TTC3: variants seen among roughly 807,000 people sequenced by gnomAD.
TTC3 encodes the protein E3 ubiquitin-protein ligase TTC3.
TTC3 carries 180 observed loss-of-function variants against 249.6 expected under a neutral mutation model. The ratio of observed to expected loss-of-function variants is 0.72; its 90% CI spans 0.64 to 0.82. The LOEUF is 0.82. Among genes scored for constraint, TTC3 ranks in the 40% least tolerant of loss-of-function variants. The pLI, the probability that TTC3 is intolerant of heterozygous loss-of-function variation, is 0.00. For missense variants in TTC3, 2,061 were observed against 2,398.4 expected (o/e 0.86, Z 2.94); for synonymous variants, 717 against 805.0 (o/e 0.89, Z 1.85).
chr21:37,193,687 T>C (rs1359457372), intron 41 of TTC3: 1 of 152,178 alleles, frequency 6.6e-6, no homozygotes, highest in Non-Finnish European at 1.5e-5. Flanking sequence ...TAAAAATTAT[T>C]TGTATCTCAT....
intron 38 of TTC3, 32 bp from the exon 39 acceptor site, chr21:37,188,463 A>C (rs1343733937): frequency 6.5e-7 from 1 of 1,549,976 alleles, no homozygotes; most frequent in South Asian, 1.1e-5. Context: ...GTCATTTGTA[A>C]AATACTCATA....
At chr21:37,178,971 A>T (rs2082506185) in intron 35 of TTC3, among the ~76,000 whole-genome samples, 1 of 151,662 alleles carries the variant, frequency 6.6e-6, no homozygotes, top group Non-Finnish European at 1.5e-5. Flanking sequence ...CTCAAAAGGA[A>T]AAAAAAGAAA....
intron 35 of TTC3, among the ~76,000 whole-genome samples, chr21:37,180,824 A>C (rs2082694497): frequency 6.6e-6 from 1 of 151,858 alleles, no homozygotes; most frequent in African/African-American, 2.4e-5. Flanking sequence ...AGAATGAAAC[A>C]ATAAAACTTT....
At chr21:37,166,281 C>T in exon 33 of TTC3, 1 of 1,614,210 alleles carries the variant, frequency 6.2e-7, no homozygotes, top group South Asian at 1.1e-5. Context: ...GCCAGCCTTT[C>T]TCCTGAATAT....
rs1485313371 is a variant in TTC3, at chr21:37,166,082, C to T, written c.3868C>T (p.Arg1290Ter). Reference sequence around the variant, plus strand: ...AGGCTCTGAGGATGCAAATTACAAGCGAGTCTCCTGTAATTCCCCCAAACC... The same window carrying T: ...AGGCTCTGAGGATGCAAATTACAAGTGAGTCTCCTGTAATTCCCCCAAACC... The change falls in exon 33 of 46, where the codon CGA becomes TGA. Residue 1290 changes from arginine (R) to a stop codon, truncating the protein, a stop_gained. Coordinates refer to ENST00000355666, the Ensembl canonical transcript of TTC3. LOFTEE classifies it high-confidence loss of function. 3.1e-6 allele frequency: 5 copies of T among 1,614,142 alleles called. No individual in the cohort carries two copies. The highest frequency in any genetic ancestry group is 2.2e-5 in the East Asian group (1 of 44,894).
intron 36 of TTC3, among the ~76,000 whole-genome samples, chr21:37,184,021 C>G (rs139157845): frequency 1.3e-5 from 2 of 152,220 alleles, no homozygotes; most frequent in East Asian, 3.9e-4. Context: ...ATGAGTCTTG[C>G]TAGCATTACA....
At position 37,126,072 on chromosome 21, in the gene TTC3, A is replaced by C. The variant is rs199598482; in HGVS notation, c.1234-8A>C. The stretch of plus-strand genomic sequence containing the variant: ...TTTTTTTTTAAGTCTCACTAATTTC[A>C]TTGGCAGGTGGCGGATGAGGCGTTG... On this transcript the variant is annotated splice_region_variant and splice_polypyrimidine_tract_variant and intron_variant, in intron 14 of 45. Coordinates refer to ENST00000355666, the Ensembl canonical transcript of TTC3. The C allele has an allele frequency of 1.9e-6, 3 of 1,592,294 alleles. No homozygotes were observed. Among genetic ancestry groups the C allele is most frequent in the East Asian group, 2.2e-5 (1 of 44,508 alleles).
chr21:37,082,857 T>C, intron 1 of TTC3: 1 of 971,932 alleles, frequency 1.0e-6, no homozygotes, highest in Non-Finnish European at 1.2e-6. Context: ...GATTGTATTA[T>C]AAAAAATTTT....
At chr21:37,192,667 C>G (rs2084321478) in intron 41 of TTC3, among the ~76,000 whole-genome samples, 1 of 152,160 alleles carries the variant, frequency 6.6e-6, no homozygotes, top group Admixed American at 6.5e-5. Context: ...AGACCAAAAT[C>G]TAAAAATTAA....
chr21:37,085,429 G>A (rs1354481270), intron 1 of TTC3, among the ~76,000 whole-genome samples: 1 of 152,176 alleles, frequency 6.6e-6, no homozygotes, highest in Non-Finnish European at 1.5e-5. Context: ...AGTTTCCCTT[G>A]AATGGTCGAA....
chr21:37,164,866 A>G (rs553141030), intron 32 of TTC3, among the ~76,000 whole-genome samples: 7 of 151,962 alleles, frequency 4.6e-5, no homozygotes, highest in African/African-American at 4.8e-5. Context: ...TTAAAAGCCA[A>G]CTCTTCTCCT....
chr21:37,125,980 A>G, intron 14 of TTC3, 100 bp from the exon 15 acceptor site: 6 of 1,142,328 alleles, frequency 5.3e-6, no homozygotes, highest in Non-Finnish European at 7.4e-6. Flanking sequence ...GCTAGGGTGA[A>G]TTCTATCCTA....
chr21:37,126,143 A>G, exon 15 of TTC3: 2 of 1,611,552 alleles, frequency 1.2e-6, no homozygotes, highest in Non-Finnish European at 1.7e-6. Flanking sequence ...ACCACCATCA[A>G]GTGAGTATTG....
chr21:37,159,584 A>G (rs2080479252), intron 28 of TTC3, 115 bp from the exon 29 acceptor site: 4 of 1,170,268 alleles, frequency 3.4e-6, no homozygotes, highest in Admixed American at 5.3e-5. Flanking sequence ...AAGCCAAATA[A>G]GGAATAGAAC....
At chr21:37,137,757 C>A (rs1277277225) in intron 18 of TTC3, among the ~76,000 whole-genome samples, 6 of 152,092 alleles carry the variant, frequency 3.9e-5, no homozygotes, top group Non-Finnish European at 8.8e-5. Flanking sequence ...TACAGAGAAA[C>A]CTTTTCTGAA....
At chr21:37,143,776 A>C (rs1212063834) in intron 20 of TTC3, among the ~76,000 whole-genome samples, 1 of 140,082 alleles carries the variant, frequency 7.1e-6, no homozygotes, top group Non-Finnish European at 1.5e-5. Flanking sequence ...TCATGCTGCT[A>C]TAAAGACACA....
rs929195914 is a variant in TTC3 at position 37,085,793 on chromosome 21, A to G, written c.-11-1454A>G. ...ATTTGGAGGAAAGAGAAAAACACTG[A>G]ACTAGTTGCCAGTGATCTTGAAACG... is the stretch of plus-strand genomic sequence containing the variant. On this transcript the variant is annotated intron_variant, in intron 1 of 45. Coordinates refer to ENST00000355666, the Ensembl canonical transcript of TTC3. 2.6e-5 allele frequency: 4 copies of G among 152,346 alleles called. No individual in the cohort carries two copies. In the East Asian group the frequency reaches 7.7e-4, roughly 29 times the overall value. The allele number at this position is 152,346 out of a possible 1,614,324, so 9.4% of individuals were successfully genotyped here. A position where few individuals can be genotyped will look rare whatever the true frequency, so the allele number is the denominator to read the frequency against.
In TTC3 at chr21:37,130,246, A is replaced by C. The variant is rs985779137; in HGVS notation, c.1358+1183A>C. ...TGCTACAAAAATTAAATACAAAGCA[A>C]GGATATAGCATATTATTATGTTTTT... is the stretch of plus-strand genomic sequence containing the variant. On this transcript the variant is annotated intron_variant, in intron 16 of 45. Transcript: ENST00000355666. Among the ~76,000 whole-genome samples the C allele has an allele frequency of 1.1e-4, 17 of 152,286 alleles. No homozygotes were observed. In the East Asian group the frequency reaches 1.7e-3, roughly 16 times the overall value.
At chr21:37,082,629 G>C (rs1409047287) in intron 1 of TTC3, 2 of 985,212 alleles carry the variant, frequency 2.0e-6, no homozygotes, top group South Asian at 4.7e-5. Context: ...TTAATTTCTA[G>C]CTCAAGGTTT....
Sources: gnomAD v4.1 joint callset for allele counts (sites outside exome capture counted in the v4.1 genomes callset) on GRCh38, gnomAD v4.1.1 for gene constraint, MANE v1.5 for transcripts, NCBI Gene and HGNC (gene_info 2026-07-23, HGNC 2026-07-21) for gene names.